BICD1: variants seen among roughly 807,000 people sequenced by gnomAD.
The protein encoded by BICD1 is BICD cargo adaptor 1.
BICD1 carries 35 observed loss-of-function variants against 92.5 expected under a neutral mutation model. The ratio of observed to expected loss-of-function variants is 0.38; its 90% CI spans 0.29 to 0.50. The LOEUF (loss-of-function observed/expected upper bound fraction) is 0.50. Ranked by LOEUF, BICD1 falls within the 20% of genes least tolerant of loss-of-function variation. BICD1 has a pLI of 0.93. For synonymous variants in BICD1, 429 were observed against 465.1 expected (o/e 0.92, Z 1.00); for missense variants, 950 against 1,189.8 (o/e 0.80, Z 2.97).
chr12:32,245,250 G>T (rs189841267), intron 2 of BICD1, among the ~76,000 whole-genome samples: 5,923 of 119,192 alleles, frequency 0.05, 209 homozygotes, highest in East Asian at 0.18. Flanking sequence ...TTTGTTTTTT[G>T]TTTTTTTTTT....
rs144755359 is a variant in BICD1, at chr12:32,250,689, G to A, written c.426+34230G>A. 8.1e-3 allele frequency among the ~76,000 whole-genome samples: 1,227 copies of A among 152,252 alleles called. 7 individuals are homozygous for A. Among genetic ancestry groups the A allele is most frequent in the Non-Finnish European group, 0.013 (871 of 68,010 alleles). On this transcript the variant is annotated intron_variant, in intron 2 of 9. Coordinates refer to ENST00000652176, the MANE Select transcript of BICD1 (RefSeq NM_001714.4). ...TAAATTGAGGCCACCATATGGAAGTGTAAGGATGAAGCCAGGCGCAGTGGC... is the reference window on the plus strand; with the variant it reads ...TAAATTGAGGCCACCATATGGAAGTATAAGGATGAAGCCAGGCGCAGTGGC...
At position 32,379,642 on chromosome 12, in the gene BICD1, C is replaced by A. The variant is rs1372672005; in HGVS notation, c.*2015C>A. ...AGAGTTCAATGAAAGAAAGCTTACCCCTGCCCTCACTTTGTGTTTTTTATT... is the reference window on the plus strand; with the variant it reads ...AGAGTTCAATGAAAGAAAGCTTACCACTGCCCTCACTTTGTGTTTTTTATT... On this transcript the variant is annotated 3_prime_UTR_variant, in exon 10 of 10. Transcript: ENST00000652176. The A allele has an allele frequency of 2.6e-5, 4 of 152,188 alleles. 1 individual carries two copies. Among genetic ancestry groups the A allele is most frequent in the Non-Finnish European group, 5.9e-5 (4 of 68,042 alleles). The allele number at this position is 152,188 out of a possible 1,614,324, so 9.4% of individuals were successfully genotyped here.
rs1028177246 is a variant in BICD1 at position 32,122,798 on chromosome 12, A to G, written c.213+15254A>G. On this transcript the variant is annotated intron_variant, in intron 1 of 9. Coordinates refer to ENST00000652176, the MANE Select transcript of BICD1 (RefSeq NM_001714.4). ...GCTCTAGACCAATGAGATTTTAGTC[A>G]TCATTAATCAATGCCAAGCGAAAAA... Among the ~76,000 whole-genome samples the G allele has an allele frequency of 2.0e-5, 3 of 152,374 alleles. No individual in the cohort carries two copies. In the East Asian group the frequency reaches 5.8e-4, roughly 29 times the overall value.
chr12:32,133,212 GC>G (rs989010805), intron 1 of BICD1, among the ~76,000 whole-genome samples: 1 of 152,184 alleles, frequency 6.6e-6, no homozygotes, highest in African/African-American at 2.4e-5. Flanking sequence ...TCCTGGCCAG[GC>G]GGGGTGGCTC....
At chr12:32,210,501 A>AATT (rs1160128550) in intron 1 of BICD1, among the ~76,000 whole-genome samples, 1 of 152,206 alleles carries the variant, frequency 6.6e-6, no homozygotes, top group Non-Finnish European at 1.5e-5. Context: ...AGAAAATATC[A>AATT]ATTTTCTTTG....
intron 1 of BICD1, among the ~76,000 whole-genome samples, chr12:32,161,031 T>C (rs1405338622): frequency 6.6e-6 from 1 of 152,220 alleles, no homozygotes; most frequent in African/African-American, 2.4e-5. Context: ...CTGGAAGCCT[T>C]AATGACACAC....
intron 1 of BICD1, among the ~76,000 whole-genome samples, chr12:32,131,245 T>C (rs564691612): frequency 1.3e-5 from 2 of 152,322 alleles, no homozygotes; most frequent in East Asian, 3.9e-4. Context: ...ACTTTGGATT[T>C]AGTGCTTTCA....
chr12:32,169,466 C>T (rs1159108279), intron 1 of BICD1, among the ~76,000 whole-genome samples: 1 of 151,776 alleles, frequency 6.6e-6, no homozygotes, highest in Non-Finnish European at 1.5e-5. Context: ...TTAGTAGAGA[C>T]GAGCTCTCTG....
intron 2 of BICD1, among the ~76,000 whole-genome samples, chr12:32,237,718 C>T (rs1224967430): frequency 2.6e-5 from 4 of 152,138 alleles, no homozygotes; most frequent in East Asian, 1.9e-4. Flanking sequence ...GTTTATCAAA[C>T]GTTTAAAGCC....
intron 1 of BICD1, among the ~76,000 whole-genome samples, chr12:32,130,243 C>G (rs187043326): frequency 5.5e-4 from 82 of 149,902 alleles, no homozygotes; most frequent in African/African-American, 1.9e-3. Context: ...CTCGCTCTGT[C>G]GCCCAGGCTG....
chr12:32,361,353 C>T (rs533666595), intron 8 of BICD1, among the ~76,000 whole-genome samples: 7 of 151,806 alleles, frequency 4.6e-5, no homozygotes, highest in African/African-American at 1.2e-4. Context: ...GCCAGGAGTT[C>T]GAGACCAGCC....
chr12:32,253,324 A>T (rs904848853), intron 2 of BICD1, among the ~76,000 whole-genome samples: 4 of 152,160 alleles, frequency 2.6e-5, no homozygotes, highest in African/African-American at 7.2e-5. Context: ...GACTTGAGGA[A>T]AACCTGGTCC....
intron 2 of BICD1, among the ~76,000 whole-genome samples, chr12:32,263,804 C>T (rs1358780591): frequency 1.3e-5 from 2 of 152,042 alleles, no homozygotes; most frequent in East Asian, 3.9e-4. Context: ...TAATCATATG[C>T]GGACTATAGT....
At chr12:32,118,131 G>A (rs1269788025) in intron 1 of BICD1, among the ~76,000 whole-genome samples, 1 of 147,880 alleles carries the variant, frequency 6.8e-6, no homozygotes, top group African/African-American at 2.5e-5. Context: ...GCCCAGGCTG[G>A]AGTGCAGTGG....
intron 3 of BICD1, 72 bp from the exon 4 acceptor site, chr12:32,305,625 A>T: frequency 7.3e-7 from 1 of 1,378,984 alleles, no homozygotes; most frequent in Non-Finnish European, 9.8e-7. Context: ...TAGGTCCACT[A>T]GAGTGTTTAA....
rs144016348 is a variant in BICD1 at position 32,379,022 on chromosome 12, A to G, written c.*1395A>G. On this transcript the variant is annotated 3_prime_UTR_variant, in exon 10 of 10. Coordinates refer to ENST00000652176, the MANE Select transcript of BICD1 (RefSeq NM_001714.4). ...TCCTTAACCATCAAGTGCTGCCCACACAATTGCTCCTAGCCCTGATTCCTT... is the reference window on the plus strand; with the variant it reads ...TCCTTAACCATCAAGTGCTGCCCACGCAATTGCTCCTAGCCCTGATTCCTT... 9 of 152,368 alleles carry G rather than the reference A, an allele frequency of 5.9e-5. No individual in the cohort carries two copies. The East Asian group carries it at 1.5e-3, about 26-fold the overall frequency. The allele number at this position is 152,368 out of a possible 1,614,324, so 9.4% of individuals were successfully genotyped here. A position where few individuals can be genotyped will look rare whatever the true frequency, so the allele number is the denominator to read the frequency against.
In BICD1 at chr12:32,207,081, A is replaced by C. The variant is rs561811886; in HGVS notation, c.214-9166A>C. 2.6e-3 allele frequency among the ~76,000 whole-genome samples: 402 copies of C among 152,332 alleles called. 2 individuals are homozygous for C. The highest frequency in any genetic ancestry group is 9.2e-3 in the African/African-American group (382 of 41,576). On this transcript the variant is annotated intron_variant, in intron 1 of 9. Coordinates refer to ENST00000652176, the MANE Select transcript of BICD1 (RefSeq NM_001714.4). ...TTACTTGGGGAGTGGCCGAAGGTAC[A>C]ATGAGAGAGATAGGACCAAGGAGGA... is the stretch of plus-strand genomic sequence containing the variant.
At chr12:32,152,978 C>T (rs1018164555) in intron 1 of BICD1, among the ~76,000 whole-genome samples, 7 of 152,182 alleles carry the variant, frequency 4.6e-5, no homozygotes, top group African/African-American at 1.4e-4. Flanking sequence ...TGAGGTATAT[C>T]GTGTCATGCT....
At chr12:32,223,173 G>A (rs548662171) in intron 2 of BICD1, among the ~76,000 whole-genome samples, 1 of 152,214 alleles carries the variant, frequency 6.6e-6, no homozygotes, top group South Asian at 2.1e-4. Context: ...ACCTCTGCTG[G>A]TTTCAAACTT....
Sources: gnomAD v4.1 joint callset for allele counts (sites outside exome capture counted in the v4.1 genomes callset) on GRCh38, gnomAD v4.1.1 for gene constraint, MANE v1.5 for transcripts, NCBI Gene and HGNC (gene_info 2026-07-23, HGNC 2026-07-21) for gene names.